The following PTPRG variants were observed in gnomAD, a reference collection of about 807,000 sequenced individuals.
The protein encoded by PTPRG is receptor-type tyrosine-protein phosphatase gamma.
Under a neutral mutation model 165.3 loss-of-function variants are expected in PTPRG, and 102 were observed. That is an observed-to-expected ratio of 0.62 (90% CI 0.53 to 0.73). The LOEUF (loss-of-function observed/expected upper bound fraction) is 0.73. Ranked by LOEUF, PTPRG falls within the 30% of genes least tolerant of loss-of-function variation. PTPRG has a pLI of 0.00. For missense variants in PTPRG, 1,866 were observed against 1,861.4 expected (o/e 1.00, Z -0.05); for synonymous variants, 675 against 669.5 (o/e 1.01, Z -0.13).
At chr3:62,053,564 G>A (rs1002544172) in intron 4 of PTPRG, among the ~76,000 whole-genome samples, 2 of 152,146 alleles carry the variant, frequency 1.3e-5, no homozygotes, top group African/African-American at 4.8e-5. Context: ...ATCATGCCTG[G>A]CCTTCCTTTT....
chr3:62,023,604 C>CACG (rs2041747055), intron 4 of PTPRG, among the ~76,000 whole-genome samples: 3 of 152,074 alleles, frequency 2.0e-5, no homozygotes, highest in Admixed American at 6.6e-5. Flanking sequence ...GACAAACAAA[C>CACG]AAAAATCTTT....
At chr3:61,781,314 C>A (rs950980688) in intron 2 of PTPRG, among the ~76,000 whole-genome samples, 1 of 152,078 alleles carries the variant, frequency 6.6e-6, no homozygotes, top group African/African-American at 2.4e-5. Flanking sequence ...TCAGATAAAA[C>A]GTTGAGGGAT....
chr3:61,871,853 T>G (rs2037594933), intron 2 of PTPRG, among the ~76,000 whole-genome samples: 1 of 152,120 alleles, frequency 6.6e-6, no homozygotes, highest in Admixed American at 6.5e-5. Flanking sequence ...CCCTCTCTCT[T>G]TCTTAGTGTT....
intron 2 of PTPRG, among the ~76,000 whole-genome samples, chr3:61,968,187 T>C (rs2040311278): frequency 6.6e-6 from 1 of 152,190 alleles, no homozygotes; most frequent in Non-Finnish European, 1.5e-5. Context: ...AACCATTAAA[T>C]GTAAAGATTT....
intron 26 of PTPRG, 101 bp from the exon 27 acceptor site, chr3:62,281,462 T>C: frequency 2.9e-6 from 3 of 1,051,612 alleles, no homozygotes; most frequent in Non-Finnish European, 4.0e-6. Flanking sequence ...GTTTAAACGA[T>C]GGCTTGAGAG....
At chr3:62,001,614 A>G (rs1186035167) in intron 3 of PTPRG, among the ~76,000 whole-genome samples, 8 of 151,378 alleles carry the variant, frequency 5.3e-5, no homozygotes, top group Non-Finnish European at 1.0e-4. Flanking sequence ...ATATAGATAT[A>G]TTTTATATAA....
intron 1 of PTPRG, among the ~76,000 whole-genome samples, chr3:61,630,899 T>C (rs1313296049): frequency 6.6e-6 from 1 of 151,780 alleles, no homozygotes. Context: ...CTACTAAAAA[T>C]ACAAAAATTA....
intron 1 of PTPRG, chr3:61,742,981 G>A (rs2033055085): frequency 3.3e-6 from 5 of 1,516,110 alleles, no homozygotes; most frequent in African/African-American, 1.4e-5. Context: ...GTCCTTCTGG[G>A]GGTCATAGTT....
chr3:61,987,203 A>C (rs1181877667), intron 2 of PTPRG, among the ~76,000 whole-genome samples: 1 of 152,228 alleles, frequency 6.6e-6, no homozygotes, highest in Non-Finnish European at 1.5e-5. Flanking sequence ...AGTACTCCAA[A>C]GAAGAATTAA....
Position 61,727,249 on chromosome 3 carries a change from GA to G in PTPRG, c.86-21628del, listed in dbSNP as rs1423283281. Among the ~76,000 whole-genome samples, 5 of 151,022 alleles carry G rather than the reference GA, an allele frequency of 3.3e-5. No individual in the cohort carries two copies. In the East Asian group the frequency reaches 9.8e-4, roughly 30 times the overall value. ...TTGAGATGGAGTAGTGCGGTGGAGT[GA>G]TCTCATCTCACTGCAACCTCAGCCT... On this transcript the variant is annotated intron_variant, in intron 1 of 29. Coordinates refer to ENST00000474889, the MANE Select transcript of PTPRG (RefSeq NM_002841.4).
At chr3:61,695,464 A>G (rs1451709439) in intron 1 of PTPRG, among the ~76,000 whole-genome samples, 2 of 152,184 alleles carry the variant, frequency 1.3e-5, no homozygotes, top group African/African-American at 4.8e-5. Flanking sequence ...GGCTTAATGT[A>G]GTAGTTTCTA....
At chr3:62,088,762 A>C (rs1372581948) in intron 5 of PTPRG, among the ~76,000 whole-genome samples, 1 of 152,106 alleles carries the variant, frequency 6.6e-6, no homozygotes, top group Non-Finnish European at 1.5e-5. Flanking sequence ...GATCAATGAA[A>C]CTCCCTTGCA....
At chr3:62,128,485 G>A (rs1285558466) in intron 5 of PTPRG, among the ~76,000 whole-genome samples, 2 of 151,884 alleles carry the variant, frequency 1.3e-5, no homozygotes, top group Non-Finnish European at 2.9e-5. Context: ...ACAAGCTCAG[G>A]GATAAATTGC....
intron 1 of PTPRG, among the ~76,000 whole-genome samples, chr3:61,625,519 C>T (rs544474513): frequency 1.5e-4 from 23 of 152,090 alleles, no homozygotes; most frequent in Non-Finnish European, 2.1e-4. Context: ...GCTCTTAGGA[C>T]GCTCTTCGAT....
At chr3:62,093,822 A>C (rs1233652861) in intron 5 of PTPRG, among the ~76,000 whole-genome samples, 1 of 152,182 alleles carries the variant, frequency 6.6e-6, no homozygotes, top group South Asian at 2.1e-4. Context: ...AGATGGACCT[A>C]TCCTTACCTT....
intron 4 of PTPRG, among the ~76,000 whole-genome samples, chr3:62,077,727 G>T (rs1399432764): frequency 6.6e-6 from 1 of 152,108 alleles, no homozygotes; most frequent in Non-Finnish European, 1.5e-5. Context: ...CAAAGGGCCG[G>T]GTGTGGTGGC....
intron 3 of PTPRG, among the ~76,000 whole-genome samples, chr3:62,001,086 G>A (rs952453882): frequency 5.3e-5 from 8 of 152,108 alleles, no homozygotes; most frequent in Non-Finnish European, 1.0e-4. Context: ...GACTGCCTTC[G>A]GTATATTCTG....
intron 4 of PTPRG, among the ~76,000 whole-genome samples, chr3:62,073,270 A>T (rs1211308059): frequency 2.3e-4 from 35 of 152,230 alleles, no homozygotes; most frequent in Admixed American, 2.3e-3. Flanking sequence ...ATACTAAAGT[A>T]GTGAGTCAAC....
chr3:61,778,498 C>G (rs1347567340), intron 2 of PTPRG, among the ~76,000 whole-genome samples: 1 of 152,058 alleles, frequency 6.6e-6, no homozygotes, highest in Non-Finnish European at 1.5e-5. Context: ...GGAGTAGCTT[C>G]TGGTCCTCTT....
Sources: gnomAD v4.1 joint callset for allele counts (sites outside exome capture counted in the v4.1 genomes callset) on GRCh38, gnomAD v4.1.1 for gene constraint, MANE v1.5 for transcripts, NCBI Gene and HGNC (gene_info 2026-07-23, HGNC 2026-07-21) for gene names.